Variants in ALX3 observed in about 807,000 individuals in gnomAD.
ALX3 encodes ALX homeobox 3.
Under a neutral mutation model 26.3 loss-of-function variants are expected in ALX3, and 17 were observed. That is an observed-to-expected ratio of 0.65 (90% CI 0.44 to 0.97). ALX3 has a LOEUF of 0.97. Among genes scored for constraint, ALX3 ranks in the 50% least tolerant of loss-of-function variants. The probability of loss-of-function intolerance (pLI) is 0.00; values close to 1 mark genes in which losing one functional copy is unlikely to be tolerated. For synonymous variants in ALX3, 208 were observed against 201.4 expected, an observed-to-expected ratio of 1.03 and a Z score of -0.28; for missense variants, 461 against 466.5, an observed-to-expected ratio of 0.99 and a Z score of 0.11.
At chr1:110,061,122 T>C (rs924168558) in intron 3 of ALX3, 81 bp from the exon 4 acceptor site, 6 of 1,501,424 alleles carry the variant, frequency 4.0e-6, no homozygotes, top group African/African-American at 2.8e-5. Flanking sequence ...CTCTTTGTCC[T>C]TGGGGCCCCA....
Position 110,060,633 on chromosome 1 carries a change from G to T in ALX3, c.*100C>A. 4 of 345,988 alleles carry T rather than the reference G, an allele frequency of 1.2e-5. No individual in the cohort carries two copies. The highest frequency in any genetic ancestry group is 1.1e-5 in the Non-Finnish European group (3 of 269,404). The allele number at this position is 345,988 out of a possible 1,614,324, so 21.4% of individuals were successfully genotyped here. On this transcript the variant is annotated 3_prime_UTR_variant, in exon 4 of 4. Transcript: ENST00000647563. ...GCTGACAGTGCCAGCTGCTCTCGCA[G>T]CCTCCAGAACCATCTGGGGCTTGGA...
intron 1 of ALX3, 77 bp downstream of exon 1, chr1:110,070,259 G>T: frequency 7.9e-7 from 1 of 1,266,488 alleles, no homozygotes; most frequent in East Asian, 2.9e-5. Flanking sequence ...GAGATAAGCA[G>T]GAAGGCCCGG....
chr1:110,061,305 GAGAA>G (rs1396268289), intron 3 of ALX3, 126 bp downstream of exon 3: 4 of 1,401,696 alleles, frequency 2.9e-6, no homozygotes, highest in Non-Finnish European at 3.9e-6. Context: ...CCGGTTTGCA[GAGAA>G]AGAAGTGAAG....
chr1:110,060,871 G>A lies in ALX3; in HGVS notation c.894C>T (p.Tyr298=), dbSNP rs778336298. 6.8e-6 allele frequency: 11 copies of A among 1,613,988 alleles called. No homozygotes were observed. The African/African-American group carries it at 1.3e-4, about 20-fold the overall frequency. The change falls in exon 4 of 4, where the codon TAC becomes TAT. Residue 298 remains tyrosine, a synonymous_variant. Coordinates refer to ENST00000647563, the MANE Select transcript of ALX3 (RefSeq NM_006492.3). ...GGGTGGGGGGAAAGCCATGGATGGA[G>A]TAGATGCCAGGGTGAGCCGCAGAAG... ...PAPSAAHPGI[Y]SIHGFPPTLG... is the part of the protein sequence containing the mutation.
At chr1:110,064,971 G>A in intron 1 of ALX3, 68 bp from the exon 2 acceptor site, 1 of 1,444,196 alleles carries the variant, frequency 6.9e-7, no homozygotes, top group Admixed American at 2.4e-5. Context: ...GGAATGGAGG[G>A]AGGGGGAAGA....
Position 110,060,115 on chromosome 1 carries a change from C to T in ALX3, c.*618G>A, listed in dbSNP as rs559533349. The T allele has an allele frequency of 6.6e-6, 1 of 152,294 alleles. No homozygotes were observed. Among genetic ancestry groups the T allele is most frequent in the South Asian group, 2.1e-4 (1 of 4,828 alleles). 9.4% of individuals were successfully genotyped at this position (152,294 alleles called of 1,614,324 possible). On this transcript the variant is annotated 3_prime_UTR_variant, in exon 4 of 4. Transcript: ENST00000647563. ...GTGATTTCTGGTGGAATTTCTGCCC[C>T]CTTGGAGGGGAAGATGACTGCATGG...
chr1:110,065,199 G>T lies in ALX3; in HGVS notation c.278-296C>A, dbSNP rs529998365. ...GCTCTGTGGTGGTGCGTTCCACAGGGACGTGAGAGGACTGGCGCCACAGCA... is the reference window on the plus strand; with the variant it reads ...GCTCTGTGGTGGTGCGTTCCACAGGTACGTGAGAGGACTGGCGCCACAGCA... On this transcript the variant is annotated intron_variant, in intron 1 of 3. Coordinates refer to ENST00000647563, the MANE Select transcript of ALX3 (RefSeq NM_006492.3). Among the ~76,000 whole-genome samples, 188 of 152,218 alleles carry T rather than the reference G, an allele frequency of 1.2e-3. 1 individual carries two copies. Among genetic ancestry groups the T allele is most frequent in the Non-Finnish European group, 2.3e-3 (158 of 68,036 alleles).
At chr1:110,061,293 C>T (rs1653636259) in intron 3 of ALX3, 142 bp downstream of exon 3, 1 of 1,333,078 alleles carries the variant, frequency 7.5e-7, no homozygotes, top group Non-Finnish European at 1.0e-6. Flanking sequence ...CAGGCAAGAG[C>T]CCCGGTTTGC....
chr1:110,064,707 C>T lies in ALX3; in HGVS notation c.474G>A (p.Thr158=), dbSNP rs770624383. ...CCTCCAGCTGGAATGTGCTGAAGGT[C>T]GTGCGGTTACGACGCTTCTTGCTCT... ...KNKSKKRRNR[T]TFSTFQLEEL... is the part of the protein sequence containing the mutation. Residue 158 remains threonine, a synonymous_variant, in exon 2 of 4, where the codon ACG becomes ACA. Coordinates refer to ENST00000647563, the MANE Select transcript of ALX3 (RefSeq NM_006492.3). 16 of 1,614,192 alleles carry T rather than the reference C, an allele frequency of 9.9e-6. No homozygotes were observed. The highest frequency in any genetic ancestry group is 1.7e-5 in the Admixed American group (1 of 60,028).
At position 110,064,765 on chromosome 1, in the gene ALX3, C is replaced by T. The variant is rs199713385; in HGVS notation, c.416G>A (p.Gly139Glu). 8 of 1,614,206 alleles carry T rather than the reference C, an allele frequency of 5.0e-6. No homozygotes were observed. In the East Asian group the frequency reaches 1.6e-4, roughly 31 times the overall value. Residue 139 changes from glycine to glutamate, a missense_variant, in exon 2 of 4, where the codon GGA (glycine) becomes GAA (glutamate). Gly to Glu is a moderately conservative substitution (Grantham distance 98). Coordinates refer to ENST00000647563, the MANE Select transcript of ALX3 (RefSeq NM_006492.3). Reference sequence around the variant, plus strand: ...GGCCAACTCCATGGAGTCAGGGAGTCCCGGGGAAAGAGGAAGATGCAGGCT... The same window carrying T: ...GGCCAACTCCATGGAGTCAGGGAGTTCCGGGGAAAGAGGAAGATGCAGGCT... Reference protein sequence around the residue: ...LASLHLPLSPGLPDSMELAKN... With the variant: ...LASLHLPLSPELPDSMELAKN...
At chr1:110,064,937 C>T (rs1653747367) in intron 1 of ALX3, 34 bp from the exon 2 acceptor site, 1 of 1,568,430 alleles carries the variant, frequency 6.4e-7, no homozygotes, top group African/African-American at 1.4e-5. Flanking sequence ...AGGATGGCAA[C>T]TGAACCAGGG....
At position 110,070,470 on chromosome 1, in the gene ALX3, AGCCGCGG is replaced by A. The variant is rs1347688932; in HGVS notation, c.136_142del (p.Pro46Ter). 2 of 1,257,056 alleles carry A rather than the reference AGCCGCGG, an allele frequency of 1.6e-6. No individual in the cohort carries two copies. The highest frequency in any genetic ancestry group is 1.5e-5 in the African/African-American group (1 of 64,890). 77.9% of individuals were successfully genotyped at this position (1,257,056 alleles called of 1,614,324 possible). ...GGGCCCGCAGGCCGGAAAGCGGGTCAGCCGCGGGCCGCGGGGCGGCGCGGGGTGCAGG... is the reference window on the plus strand; with the variant it reads ...GGGCCCGCAGGCCGGAAAGCGGGTCAGCCGCGGGGCGGCGCGGGGTGCAGG... On this transcript the variant is annotated frameshift_variant, in exon 1 of 4. Transcript: ENST00000647563. LOFTEE classifies it high-confidence loss of function.
Position 110,059,992 on chromosome 1 carries a change from C to T in ALX3, c.*741G>A, listed in dbSNP as rs961074753. 1 of 151,066 alleles carries T rather than the reference C, an allele frequency of 6.6e-6. No individual in the cohort carries two copies. Among genetic ancestry groups the T allele is most frequent in the African/African-American group, 2.4e-5 (1 of 40,986 alleles). The allele number at this position is 151,066 out of a possible 1,614,324, so 9.4% of individuals were successfully genotyped here. On this transcript the variant is annotated 3_prime_UTR_variant, in exon 4 of 4. Transcript: ENST00000647563. ...TCTGTACAAAAATGGGGATCAGGAT[C>T]TCAGTCTGTAGAAATCTGTTTTATT...
intron 1 of ALX3, among the ~76,000 whole-genome samples, chr1:110,068,405 C>G (rs1437384483): frequency 1.3e-5 from 2 of 152,192 alleles, no homozygotes; most frequent in Admixed American, 6.5e-5. Context: ...TCCGCTCTGC[C>G]GCAGGGACGC....
At position 110,061,405 on chromosome 1, in the gene ALX3, G is replaced by T. The variant is rs139935098; in HGVS notation, c.723+30C>A. ...ATATTCTTTTTGGTGACCCTGCCAG[G>T]TCCTGGTTCAGGTAGGGCTGGGGTC... On this transcript the variant is annotated intron_variant, in intron 3 of 3. Transcript: ENST00000647563. 72 of 1,614,206 alleles carry T rather than the reference G, an allele frequency of 4.5e-5. No individual in the cohort carries two copies. The African/African-American group carries it at 7.7e-4, about 17-fold the overall frequency.
chr1:110,070,385 C>A lies in ALX3; in HGVS notation c.228G>T (p.Gly76=), dbSNP rs975462529. 2 of 1,286,020 alleles carry A rather than the reference C, an allele frequency of 1.6e-6. No individual in the cohort carries two copies. The highest frequency in any genetic ancestry group is 3.0e-5 in the African/African-American group (2 of 66,058). 79.7% of individuals were successfully genotyped at this position (1,286,020 alleles called of 1,614,324 possible). A position where few individuals can be genotyped will look rare whatever the true frequency, so the allele number is the denominator to read the frequency against. Residue 76 remains glycine (G), a synonymous_variant, in exon 1 of 4, where the codon GGG becomes GGT. Coordinates refer to ENST00000647563, the MANE Select transcript of ALX3 (RefSeq NM_006492.3). The part of the protein sequence containing the change: ...KPPAKYLQDL[G]PGPALNGGHF... ...GGCCGCCGTTGAGGGCCGGGCCGGG[C>A]CCGAGGTCCTGCAGGTACTTGGCGG...
At chr1:110,064,566 C>T (rs1173237316) in intron 2 of ALX3, 21 bp downstream of exon 2, 11 of 1,613,562 alleles carry the variant, frequency 6.8e-6, no homozygotes, top group Non-Finnish European at 9.3e-6. Context: ...CCAGAGAGCC[C>T]CATCCTTGCA....
chr1:110,070,540 G>A lies in ALX3; in HGVS notation c.73C>T (p.Pro25Ser). ...PGPYVASGDE[P>S]PGPQGTPAAA... is the part of the protein sequence containing the mutation. ...GCGGGGGTTCCCTGCGGGCCCGGAG[G>A]CTCGTCCCCCGAGGCCACATAGGGG... The change falls in exon 1 of 4, where the codon CCT (proline) becomes TCT (serine). Residue 25 changes from proline to serine, a missense_variant. By Grantham distance (74) the Pro-to-Ser change is moderately conservative. Transcript: ENST00000647563. 1 of 1,297,214 alleles carries A rather than the reference G, an allele frequency of 7.7e-7. No homozygotes were observed. Among genetic ancestry groups the A allele is most frequent in the Non-Finnish European group, 9.8e-7 (1 of 1,021,280 alleles). 80.4% of individuals were successfully genotyped at this position (1,297,214 alleles called of 1,614,324 possible).
Position 110,060,709 on chromosome 1 carries a change from C to G in ALX3, c.*24G>C, listed in dbSNP as rs751390327. 1.3e-6 allele frequency: 2 copies of G among 1,574,962 alleles called. No individual in the cohort carries two copies. The highest frequency in any genetic ancestry group is 2.3e-5 in the South Asian group (2 of 85,626). On this transcript the variant is annotated 3_prime_UTR_variant, in exon 4 of 4. Transcript: ENST00000647563. Reference sequence around the variant, plus strand: ...GGAATGGAAAAAGAGGTGGGCAGCTCATTCTGCAGGTCCATGCAACCGATC... The same window carrying G: ...GGAATGGAAAAAGAGGTGGGCAGCTGATTCTGCAGGTCCATGCAACCGATC...
Sources: allele counts gnomAD v4.1 joint callset (sites outside exome capture counted in the v4.1 genomes callset), GRCh38; gene constraint gnomAD v4.1.1; transcripts MANE v1.5; gene names NCBI Gene and HGNC (gene_info 2026-07-23, HGNC 2026-07-21).